SDK1: variants seen among roughly 807,000 people sequenced by gnomAD.
The protein encoded by SDK1 is protein sidekick-1.
Under a neutral mutation model 245.5 loss-of-function variants are expected in SDK1, and 157 were observed. The observed-to-expected ratio is 0.64, with a 90% CI of 0.56 to 0.73. The LOEUF (loss-of-function observed/expected upper bound fraction) is 0.73. Ranked by LOEUF, SDK1 falls within the 30% of genes least tolerant of loss-of-function variation. The pLI is 0.00. For missense variants in SDK1, 3,583 were observed against 3,002.3 expected (o/e 1.19, Z -4.52); for synonymous variants, 1,647 against 1,278.5 (o/e 1.29, Z -6.15).
intron 3 of SDK1, 56 bp from the exon 4 acceptor site, chr7:3,641,902 C>G (rs555045219): frequency 6.0e-6 from 9 of 1,492,230 alleles, no homozygotes; most frequent in Admixed American, 1.9e-5. Context: ...TCTGTGACCC[C>G]TTCCCTCCCC....
At chr7:3,716,114 C>CAAAAAAAAAAAAAAAAAAA (rs34348813) in intron 4 of SDK1, among the ~76,000 whole-genome samples, 1 of 82,130 alleles carries the variant, frequency 1.2e-5, no homozygotes. Context: ...AAAAGGTAGA[C>CAAAAAAAAAAAAAAAAAAA]AAAAAAAAAA....
chr7:3,443,518 A>C (rs1780257545), intron 1 of SDK1, among the ~76,000 whole-genome samples: 1 of 152,168 alleles, frequency 6.6e-6, no homozygotes, highest in Admixed American at 6.5e-5. Flanking sequence ...ATGTGATCTG[A>C]TTTTGTCACT....
At chr7:4,126,167 T>C (rs1353732978) in intron 25 of SDK1, among the ~76,000 whole-genome samples, 1 of 152,192 alleles carries the variant, frequency 6.6e-6, no homozygotes, top group Non-Finnish European at 1.5e-5. Context: ...AGCTCCTCCA[T>C]GCTGTTTATA....
At chr7:3,682,083 G>T (rs1237357264) in intron 4 of SDK1, among the ~76,000 whole-genome samples, 2 of 152,162 alleles carry the variant, frequency 1.3e-5, no homozygotes, top group Non-Finnish European at 2.9e-5. Flanking sequence ...GAATTTTGAA[G>T]TATCTGCCTG....
chr7:3,804,119 G>A (rs1335563613), intron 4 of SDK1, among the ~76,000 whole-genome samples: 3 of 152,098 alleles, frequency 2.0e-5, no homozygotes, highest in Non-Finnish European at 4.4e-5. Context: ...TGTTGATGAA[G>A]TCCAATTGAC....
At chr7:3,968,584 T>C (rs1782251631) in intron 10 of SDK1, among the ~76,000 whole-genome samples, 1 of 152,204 alleles carries the variant, frequency 6.6e-6, no homozygotes, top group African/African-American at 2.4e-5. Context: ...ATAATAGCTT[T>C]ATATAAAAAT....
chr7:4,013,023 T>A (rs905575040), intron 16 of SDK1, among the ~76,000 whole-genome samples: 1 of 152,244 alleles, frequency 6.6e-6, no homozygotes, highest in Non-Finnish European at 1.5e-5. Context: ...TTTCCAGAAA[T>A]CCAAAGATCT....
chr7:4,081,787 C>T (rs1468011851), intron 22 of SDK1, among the ~76,000 whole-genome samples: 2 of 152,060 alleles, frequency 1.3e-5, no homozygotes, highest in Non-Finnish European at 1.5e-5. Flanking sequence ...AGAGTAAGCC[C>T]TCTTATACCC....
intron 5 of SDK1, among the ~76,000 whole-genome samples, chr7:3,888,406 C>G (rs866870224): frequency 6.6e-6 from 1 of 152,208 alleles, no homozygotes; most frequent in African/African-American, 2.4e-5. Context: ...AACCGTACCC[C>G]GCCTCTGCAA....
chr7:4,237,919 A>G (rs1426209272), intron 42 of SDK1, 135 bp downstream of exon 42: 7 of 1,092,472 alleles, frequency 6.4e-6, no homozygotes, highest in Non-Finnish European at 9.1e-6. Context: ...GAGAAATGCA[A>G]TAGGTTTTCT....
At chr7:3,540,135 G>T (rs1379642436) in intron 1 of SDK1, among the ~76,000 whole-genome samples, 1 of 152,212 alleles carries the variant, frequency 6.6e-6, no homozygotes, top group African/African-American at 2.4e-5. Flanking sequence ...GGCCGGGTGT[G>T]GTGGCTGACG....
chr7:3,684,406 A>AGGG (rs1469611291), intron 4 of SDK1, among the ~76,000 whole-genome samples: 1 of 152,186 alleles, frequency 6.6e-6, no homozygotes, highest in Non-Finnish European at 1.5e-5. Context: ...AGAAGCAGCA[A>AGGG]GGGGAGAGGA....
At chr7:3,573,329 A>C (rs1015878717) in intron 1 of SDK1, among the ~76,000 whole-genome samples, 2 of 152,122 alleles carry the variant, frequency 1.3e-5, no homozygotes, top group South Asian at 2.1e-4. Flanking sequence ...GATTACGCAG[A>C]GGCGGGGCCG....
chr7:3,878,393 C>T (rs750530858), intron 5 of SDK1, among the ~76,000 whole-genome samples: 3 of 152,144 alleles, frequency 2.0e-5, no homozygotes, highest in South Asian at 2.1e-4. Flanking sequence ...TGGTGGCAGG[C>T]GCCTGTAGTC....
chr7:3,951,646 A>T (rs907885911), intron 6 of SDK1, 84 bp from the exon 7 acceptor site: 10 of 1,280,190 alleles, frequency 7.8e-6, no homozygotes, highest in Non-Finnish European at 1.1e-5. Context: ...AGCTTCGTCA[A>T]GCCTGTGCCG....
chr7:3,702,841 C>A (rs958815860), intron 4 of SDK1, among the ~76,000 whole-genome samples: 1 of 152,088 alleles, frequency 6.6e-6, no homozygotes, highest in Non-Finnish European at 1.5e-5. Context: ...ATGACAAAAA[C>A]ATGAAAAAGA....
At chr7:4,246,950 C>A (rs542510017) in intron 44 of SDK1, among the ~76,000 whole-genome samples, 1 of 152,204 alleles carries the variant, frequency 6.6e-6, no homozygotes, top group East Asian at 1.9e-4. Context: ...GCTCAACACA[C>A]CTTCCCTACA....
rs577067643 is a variant in SDK1 at position 3,989,655 on chromosome 7, C to T, written c.2131+2333C>T. Among the ~76,000 whole-genome samples the T allele has an allele frequency of 5.9e-5, 9 of 152,290 alleles. No individual in the cohort carries two copies. The South Asian group carries it at 8.3e-4, about 14-fold the overall frequency. The stretch of plus-strand genomic sequence containing the variant: ...TACCCTCCCCTGAAACCCAGCTCCC[C>T]GTGGGTCCCTGGTGCTGCTCACTTT... On this transcript the variant is annotated intron_variant, in intron 14 of 44. Transcript: ENST00000404826.
intron 4 of SDK1, among the ~76,000 whole-genome samples, chr7:3,675,530 C>G (rs945529948): frequency 6.6e-6 from 1 of 150,862 alleles, no homozygotes; most frequent in Non-Finnish European, 1.5e-5. Flanking sequence ...AATATGCTCC[C>G]CATTACCTTT....
Sources: allele counts gnomAD v4.1 joint callset (sites outside exome capture counted in the v4.1 genomes callset), GRCh38; gene constraint gnomAD v4.1.1; transcripts MANE v1.5; gene names NCBI Gene and HGNC (gene_info 2026-07-23, HGNC 2026-07-21).